Variants in DYRK3 observed in about 807,000 individuals in gnomAD.
The protein encoded by DYRK3 is dual specificity tyrosine phosphorylation regulated kinase 3.
A neutral mutation model predicts 40.8 loss-of-function variants in DYRK3; 30 were observed. The observed-to-expected ratio is 0.74, with a 90% CI of 0.55 to 1.00. The LOEUF is 1.00. DYRK3 is among the 50% of genes least tolerant of loss of function. DYRK3 has a pLI of 0.00. For missense variants in DYRK3, 699 were observed against 731.5 expected (o/e 0.96, Z 0.51); for synonymous variants, 272 against 260.7 (o/e 1.04, Z -0.42).
chr1:206,639,476 T>TG (rs1671216431), intron 2 of DYRK3, among the ~76,000 whole-genome samples: 1 of 149,870 alleles, frequency 6.7e-6, no homozygotes, highest in Non-Finnish European at 1.5e-5. Flanking sequence ...TTTTTTTTTT[T>TG]TTTTTTTTTG....
intron 2 of DYRK3, among the ~76,000 whole-genome samples, chr1:206,645,110 G>T (rs1399341522): frequency 1.3e-5 from 2 of 151,992 alleles, no homozygotes; most frequent in Non-Finnish European, 2.9e-5. Context: ...GAATTACGGG[G>T]GCTGTCTGAG....
rs1329248509 is a variant in DYRK3, at chr1:206,654,178, A to G, written c.*5213A>G. 2.0e-5 allele frequency among the ~76,000 whole-genome samples: 3 copies of G among 152,216 alleles called. No individual in the cohort carries two copies. The highest frequency in any genetic ancestry group is 4.4e-5 in the Non-Finnish European group (3 of 68,040). ...CTTTATTTTTAATTATTTCTTTTCC[A>G]TCTGTTATTGATGTCATCAACACGG... On this transcript the variant is annotated 3_prime_UTR_variant, in exon 3 of 3. Coordinates refer to ENST00000367109, the MANE Select transcript of DYRK3 (RefSeq NM_003582.4).
In DYRK3 at chr1:206,637,761, T is replaced by G; in HGVS notation, c.189T>G (p.Asn63Lys). ...PSEPPPPRRL[N>K]MTTEQFTGDH... ...AACCACCTCCACCCAGAAGACTAAA[T>G]GTAAGTAAAAGAAGTCATTCTTTGT... Residue 63 changes from asparagine (N) to lysine (K), a missense_variant and splice_region_variant, in exon 2 of 3, where the codon AAT (asparagine) becomes AAG (lysine). By Grantham distance (94) the Asn-to-Lys change is moderately conservative. Coordinates refer to ENST00000367109, the MANE Select transcript of DYRK3 (RefSeq NM_003582.4). 6.2e-7 allele frequency: 1 copy of G among 1,607,008 alleles called. No homozygotes were observed. Among genetic ancestry groups the G allele is most frequent in the South Asian group, 1.1e-5 (1 of 90,772 alleles).
At chr1:206,637,932 A>G (rs140899442) in intron 2 of DYRK3, among the ~76,000 whole-genome samples, 171 bp downstream of exon 2, 2,671 of 152,328 alleles carry the variant, frequency 0.018, 45 homozygotes, top group Admixed American at 0.05. Context: ...TTAGCTTTTC[A>G]GAATGATTTC....
In DYRK3 at chr1:206,651,432, C is replaced by T. The variant is rs1671629912; in HGVS notation, c.*2467C>T. ...TCTTGGATCAGCCTTCTTTCAACTA[C>T]CAAGAAATGGATGATTTCTCTGCCA... On this transcript the variant is annotated 3_prime_UTR_variant, in exon 3 of 3. Transcript: ENST00000367109. Among the ~76,000 whole-genome samples the T allele has an allele frequency of 6.6e-6, 1 of 152,222 alleles. No individual in the cohort carries two copies. The highest frequency in any genetic ancestry group is 1.5e-5 in the Non-Finnish European group (1 of 68,042).
At position 206,649,376 on chromosome 1, in the gene DYRK3, A is replaced by C. The variant is rs1254082372; in HGVS notation, c.*411A>C. Among the ~76,000 whole-genome samples, 1 of 152,188 alleles carries C rather than the reference A, an allele frequency of 6.6e-6. No homozygotes were observed. The highest frequency in any genetic ancestry group is 1.5e-5 in the Non-Finnish European group (1 of 68,034). On this transcript the variant is annotated 3_prime_UTR_variant, in exon 3 of 3. Coordinates refer to ENST00000367109, the MANE Select transcript of DYRK3 (RefSeq NM_003582.4). ...GTGGTGTTAGTTGTGGCTGAGAGCCAGTGCTAGGTCCCTTGCCCCACTAGG... is the reference window on the plus strand; with the variant it reads ...GTGGTGTTAGTTGTGGCTGAGAGCCCGTGCTAGGTCCCTTGCCCCACTAGG...
Position 206,649,137 on chromosome 1 carries a change from C to T in DYRK3, c.*172C>T. On this transcript the variant is annotated 3_prime_UTR_variant, in exon 3 of 3. Coordinates refer to ENST00000367109, the MANE Select transcript of DYRK3 (RefSeq NM_003582.4). ...AAAGAATTCTTCAAGGGCTAATTAC[C>T]TAACCAGCTTGTATTGGCCATCTGG... The T allele has an allele frequency of 1.5e-6, 1 of 672,642 alleles. No homozygotes were observed. Among genetic ancestry groups the T allele is most frequent in the East Asian group, 2.8e-5 (1 of 35,126 alleles). 41.7% of individuals were successfully genotyped at this position (672,642 alleles called of 1,614,324 possible).
At chr1:206,636,914 T>TA (rs1553418445) in intron 1 of DYRK3, 4 of 1,613,524 alleles carry the variant, frequency 2.5e-6, no homozygotes, top group Admixed American at 1.7e-5. Flanking sequence ...AAGTGATCCT[T>TA]AATCATTTAG....
At position 206,647,968 on chromosome 1, in the gene DYRK3, T is replaced by C; in HGVS notation, c.770T>C (p.Leu257Ser). ...CAAGCAGCTGAGGAGATCCGGATTTTGGAGCATCTTAAGAAACAGGATAAA... is the reference window on the plus strand; with the variant it reads ...CAAGCAGCTGAGGAGATCCGGATTTCGGAGCATCTTAAGAAACAGGATAAA... ...HRQAAEEIRI[L>S]EHLKKQDKTG... Residue 257 changes from leucine (L) to serine (S), a missense_variant, in exon 3 of 3, where the codon TTG (leucine) becomes TCG (serine). By Grantham distance (145) the Leu-to-Ser change is moderately radical. Transcript: ENST00000367109. 1.2e-6 allele frequency: 2 copies of C among 1,614,160 alleles called. No individual in the cohort carries two copies. The highest frequency in any genetic ancestry group is 1.7e-6 in the Non-Finnish European group (2 of 1,180,038).
chr1:206,636,945 C>T (rs782339662), intron 1 of DYRK3: 1 of 1,612,400 alleles, frequency 6.2e-7, no homozygotes, highest in Non-Finnish European at 8.5e-7. Context: ...CCACCATCCA[C>T]CAGAAAATGA....
Position 206,648,378 on chromosome 1 carries a change from A to G in DYRK3, c.1180A>G (p.Ser394Gly). The G allele has an allele frequency of 6.2e-7, 1 of 1,614,150 alleles. No individual in the cohort carries two copies. The highest frequency in any genetic ancestry group is 8.5e-7 in the Non-Finnish European group (1 of 1,180,026). ...CTACAGCACACCAATTGACATATGG[A>G]GTTTTGGCTGCATCCTTGCAGAACT... Reference protein sequence around the residue: ...SRYSTPIDIWSFGCILAELLT... With the variant: ...SRYSTPIDIWGFGCILAELLT... Residue 394 changes from serine (S) to glycine (G), a missense_variant, in exon 3 of 3, where the codon AGT (serine) becomes GGT (glycine). Transcript: ENST00000367109.
At chr1:206,642,716 G>A (rs1006715547) in intron 2 of DYRK3, among the ~76,000 whole-genome samples, 2 of 151,968 alleles carry the variant, frequency 1.3e-5, no homozygotes, top group Non-Finnish European at 2.9e-5. Flanking sequence ...TCATAGGTGC[G>A]AATTGAACAA....
chr1:206,637,863 T>C, intron 2 of DYRK3, 102 bp downstream of exon 2: 1 of 832,380 alleles, frequency 1.2e-6, no homozygotes, highest in Non-Finnish European at 1.9e-6. Context: ...AACCAGACTT[T>C]TTTTTGGTTT....
chr1:206,648,308 C>T lies in DYRK3; in HGVS notation c.1110C>T (p.Ile370=), dbSNP rs781796724. Residue 370 remains isoleucine, a synonymous_variant, in exon 3 of 3, where the codon ATC becomes ATT. Coordinates refer to ENST00000367109, the MANE Select transcript of DYRK3 (RefSeq NM_003582.4). ...AGTACCAGAAGCTCTACACATATAT[C>T]CAGTCTCGGTTCTACAGAGCTCCAG... ...CFEYQKLYTY[I]QSRFYRAPEI... is the part of the protein sequence containing the mutation. 7 of 1,614,150 alleles carry T rather than the reference C, an allele frequency of 4.3e-6. No homozygotes were observed. Among genetic ancestry groups the T allele is most frequent in the Admixed American group, 1.7e-5 (1 of 60,012 alleles).
rs782718700 is a variant in DYRK3, at chr1:206,650,157, G to T, written c.*1192G>T. Among the ~76,000 whole-genome samples the T allele has an allele frequency of 1.3e-5, 2 of 152,188 alleles. No individual in the cohort carries two copies. The highest frequency in any genetic ancestry group is 2.9e-5 in the Non-Finnish European group (2 of 68,044). Reference sequence around the variant, plus strand: ...GTTAAGCCAGTGTCCTACTTACAAGGGTGGAGACGGGACAGAAGCTAACTC... The same window carrying T: ...GTTAAGCCAGTGTCCTACTTACAAGTGTGGAGACGGGACAGAAGCTAACTC... On this transcript the variant is annotated 3_prime_UTR_variant, in exon 3 of 3. Coordinates refer to ENST00000367109, the MANE Select transcript of DYRK3 (RefSeq NM_003582.4).
chr1:206,635,803 G>C (rs1671087109), intron 1 of DYRK3, 23 bp downstream of exon 1: 1 of 1,245,120 alleles, frequency 8.0e-7, no homozygotes. Flanking sequence ...CGGGGTAACG[G>C]GCTGGAGGCG....
At position 206,636,000 on chromosome 1, in the gene DYRK3, G is replaced by C. The variant is rs191395610; in HGVS notation, c.77+220G>C. On this transcript the variant is annotated intron_variant, in intron 1 of 2. Transcript: ENST00000367109. ...GCGCGGGGGACGGGGCTAGAGCGGAGTTAGAGCAAGAAGAATTTCCACCCC... is the reference window on the plus strand; with the variant it reads ...GCGCGGGGGACGGGGCTAGAGCGGACTTAGAGCAAGAAGAATTTCCACCCC... 295 of 1,427,194 alleles carry C rather than the reference G, an allele frequency of 2.1e-4. 4 individuals carry two copies. The Admixed American group carries it at 2.8e-3, about 14-fold the overall frequency. The allele number at this position is 1,427,194 out of a possible 1,614,324, so 88.4% of individuals were successfully genotyped here.
chr1:206,635,870 T>A (rs200573211), intron 1 of DYRK3, 90 bp downstream of exon 1: 66 of 1,246,110 alleles, frequency 5.3e-5, no homozygotes, highest in Non-Finnish European at 6.6e-5. Flanking sequence ...GGAGGTAGAG[T>A]GAGCCCTCAG....
chr1:206,640,547 ATTT>A (rs11301093), intron 2 of DYRK3, among the ~76,000 whole-genome samples: 101 of 126,322 alleles, frequency 8.0e-4, no homozygotes, highest in African/African-American at 1.3e-3. Flanking sequence ...TCTCAGCAAG[ATTT>A]TTTTTTTTTT....
Sources: allele counts gnomAD v4.1 joint callset (sites outside exome capture counted in the v4.1 genomes callset), GRCh38; gene constraint gnomAD v4.1.1; transcripts MANE v1.5; gene names NCBI Gene and HGNC (gene_info 2026-07-23, HGNC 2026-07-21).